Variants in GRIN2B observed in about 807,000 individuals in gnomAD.
GRIN2B encodes the protein glutamate receptor ionotropic, NMDA 2B.
A neutral mutation model predicts 114.5 loss-of-function variants in GRIN2B; 5 were observed. The observed-to-expected ratio is 0.04, with a 90% CI of 0.02 to 0.09. The LOEUF is 0.09. Among genes scored for constraint, GRIN2B ranks in the 10% least tolerant of loss-of-function variants. GRIN2B has a pLI of 1.00. For missense variants in GRIN2B, 1,108 were observed against 1,943.5 expected (o/e 0.57, Z 8.08); for synonymous variants, 787 against 745.1 (o/e 1.06, Z -0.92).
chr12:13,570,311 T>C (rs894059481), intron 11 of GRIN2B, among the ~76,000 whole-genome samples: 3 of 152,072 alleles, frequency 2.0e-5, no homozygotes, highest in African/African-American at 7.2e-5. Flanking sequence ...TAAAAAGGGA[T>C]CAATAAAAAT....
chr12:13,937,685 A>G (rs1270200347), intron 2 of GRIN2B, among the ~76,000 whole-genome samples: 1 of 152,140 alleles, frequency 6.6e-6, no homozygotes, highest in African/African-American at 2.4e-5. Flanking sequence ...TGGAAAATAA[A>G]TGACTAAATA....
chr12:13,710,316 T>C (rs7135605), intron 4 of GRIN2B, among the ~76,000 whole-genome samples: 18,831 of 152,038 alleles, frequency 0.12, 1,923 homozygotes, highest in African/African-American at 0.28. Context: ...TGAAAACTGG[T>C]ACAAGACAGG....
intron 3 of GRIN2B, among the ~76,000 whole-genome samples, chr12:13,845,471 A>G (rs1395639124): frequency 6.6e-6 from 1 of 152,134 alleles, no homozygotes; most frequent in Non-Finnish European, 1.5e-5. Context: ...ACATCATATT[A>G]TCTGTAGACT....
intron 2 of GRIN2B, among the ~76,000 whole-genome samples, chr12:13,966,785 A>G (rs772276293): frequency 3.9e-5 from 6 of 152,238 alleles, no homozygotes; most frequent in Non-Finnish European, 8.8e-5. Context: ...TTGAAAGTGA[A>G]ATAACTCACC....
At chr12:13,674,105 A>C (rs1306312307) in intron 5 of GRIN2B, among the ~76,000 whole-genome samples, 6 of 152,080 alleles carry the variant, frequency 3.9e-5, no homozygotes, top group Admixed American at 2.0e-4. Context: ...CACACCTGTA[A>C]TTCCAGTGCT....
In GRIN2B at chr12:13,615,652, G is replaced by A. The variant is rs35025065; in HGVS notation, c.1341C>T (p.Asp447=). The A allele has an allele frequency of 8.9e-3, 14,366 of 1,612,414 alleles. 91 individuals are homozygous for A. The highest frequency in any genetic ancestry group is 0.01 in the Non-Finnish European group (12,182 of 1,178,574). The part of the protein sequence containing the change: ...QKRIVTENKT[D]EEPGYIKKCC... ...ATTTTTTGATGTAACCCGGCTCCTC[G>A]TCTGTTTTATTCCTAGCCAATTAAA... is the stretch of plus-strand genomic sequence containing the variant. Residue 447 remains aspartate (D), a synonymous_variant, in exon 7 of 14, where the codon GAC becomes GAT. Coordinates refer to ENST00000609686, the MANE Select transcript of GRIN2B (RefSeq NM_000834.5). The surrounding 1 kb of genome is among the most constrained non-coding windows in gnomAD (Gnocchi z 5.8).
At chr12:13,668,082 A>G (rs944518244) in intron 5 of GRIN2B, among the ~76,000 whole-genome samples, 2 of 152,172 alleles carry the variant, frequency 1.3e-5, no homozygotes, top group Non-Finnish European at 2.9e-5. Flanking sequence ...AAAAATCTCA[A>G]TAACATTTAA....
intron 10 of GRIN2B, among the ~76,000 whole-genome samples, chr12:13,582,607 C>CT (rs1476960249): frequency 6.6e-6 from 1 of 152,126 alleles, no homozygotes; most frequent in Non-Finnish European, 1.5e-5. Context: ...GGTAAGTGGC[C>CT]TTTCTCCTGC....
At chr12:13,635,177 G>GC (rs1254092014) in intron 5 of GRIN2B, among the ~76,000 whole-genome samples, 10 of 152,204 alleles carry the variant, frequency 6.6e-5, no homozygotes, top group Non-Finnish European at 1.3e-4. Flanking sequence ...TCTGGGGTCT[G>GC]ATGGAATATT....
At chr12:13,785,057 T>C (rs935819466) in intron 3 of GRIN2B, among the ~76,000 whole-genome samples, 1 of 152,262 alleles carries the variant, frequency 6.6e-6, no homozygotes, top group African/African-American at 2.4e-5. Context: ...ACTAACCTTG[T>C]TTTTAAATGT....
chr12:13,653,475 G>C (rs1424037960), intron 5 of GRIN2B, among the ~76,000 whole-genome samples: 1 of 151,812 alleles, frequency 6.6e-6, no homozygotes, highest in East Asian at 1.9e-4. Flanking sequence ...GATCAAAAAC[G>C]GTACCCTGGA....
At chr12:13,897,938 T>A (rs1866379154) in intron 2 of GRIN2B, among the ~76,000 whole-genome samples, 1 of 151,448 alleles carries the variant, frequency 6.6e-6, no homozygotes, top group Non-Finnish European at 1.5e-5. Context: ...ACCCTCCCAA[T>A]ATGTAACTAA....
intron 3 of GRIN2B, among the ~76,000 whole-genome samples, chr12:13,850,411 C>G (rs971426317): frequency 6.6e-6 from 1 of 152,136 alleles, no homozygotes; most frequent in African/African-American, 2.4e-5. Context: ...TGAAAGTGTT[C>G]TGGGCTTGAA....
intron 2 of GRIN2B, among the ~76,000 whole-genome samples, chr12:13,878,635 A>C (rs1387249122): frequency 6.6e-6 from 1 of 152,228 alleles, no homozygotes; most frequent in Non-Finnish European, 1.5e-5. Flanking sequence ...GGCGAAAGCA[A>C]GACCTGAATT....
At chr12:13,815,593 G>A (rs1864807367) in intron 3 of GRIN2B, among the ~76,000 whole-genome samples, 1 of 152,174 alleles carries the variant, frequency 6.6e-6, no homozygotes, top group African/African-American at 2.4e-5. Flanking sequence ...TGAACATTCT[G>A]ATAAAGGACT....
At chr12:13,595,081 T>C (rs1164548628) in intron 10 of GRIN2B, among the ~76,000 whole-genome samples, 1 of 152,180 alleles carries the variant, frequency 6.6e-6, no homozygotes, top group East Asian at 1.9e-4. Context: ...GAGGAGATTC[T>C]GAAATGTTGG....
rs149284744 is a variant in GRIN2B, at chr12:13,766,325, G to C, written c.412-12410C>G. Among the ~76,000 whole-genome samples, 14 of 152,296 alleles carry C rather than the reference G, an allele frequency of 9.2e-5. No individual in the cohort carries two copies. The East Asian group carries it at 2.7e-3, about 29-fold the overall frequency. On this transcript the variant is annotated intron_variant, in intron 3 of 13. Transcript: ENST00000609686. ...GTATCCTAAGAATGGTGAGAAGAGAGGGCACTATGTCTGGACAACTCTGTT... is the reference window on the plus strand; with the variant it reads ...GTATCCTAAGAATGGTGAGAAGAGACGGCACTATGTCTGGACAACTCTGTT...
Position 13,563,747 on chromosome 12 carries a change from C to T in GRIN2B, c.3491G>A (p.Arg1164His), listed in dbSNP as rs201250088. The change falls in exon 14 of 14, where the codon CGC (arginine) becomes CAC (histidine). Residue 1164 changes from arginine to histidine, a missense_variant. Physicochemically the swap from Arg to His is conservative, Grantham distance 29 (BLOSUM62 0). Coordinates refer to ENST00000609686, the MANE Select transcript of GRIN2B (RefSeq NM_000834.5). ...GGGCCCTCCTCCGCTGACGGAGTCG[C>T]GCTTAAAGTCATCACTCCGCTCCTT... ...IYKERSDDFK[R>H]DSVSGGGPCT... The T allele has an allele frequency of 8.7e-6, 14 of 1,613,858 alleles. No homozygotes were observed. Among genetic ancestry groups the T allele is most frequent in the Middle Eastern group, 1.6e-4 (1 of 6,084 alleles).
chr12:13,650,771 A>G (rs1035130968), intron 5 of GRIN2B, among the ~76,000 whole-genome samples: 4 of 152,134 alleles, frequency 2.6e-5, no homozygotes, highest in Non-Finnish European at 5.9e-5. Context: ...TGTATGATGT[A>G]TAATTATATT....
Sources: gnomAD v4.1 joint callset for allele counts (sites outside exome capture counted in the v4.1 genomes callset) on GRCh38, gnomAD v4.1.1 for gene constraint, Gnocchi (gnomAD v3.1) non-coding constraint, MANE v1.5 for transcripts, NCBI Gene and HGNC (gene_info 2026-07-23, HGNC 2026-07-21) for gene names.